RRM2: variants seen among roughly 807,000 people sequenced by gnomAD.
The protein encoded by RRM2 is ribonucleoside-diphosphate reductase subunit M2.
RRM2 carries 6 observed loss-of-function variants against 45.9 expected under a neutral mutation model. The observed-to-expected ratio is 0.13, with a 90% confidence interval of 0.07 to 0.26. The LOEUF (loss-of-function observed/expected upper bound fraction) is 0.26, where lower values mean the gene tolerates loss of function less well. RRM2 is among the 10% of genes least tolerant of loss of function. The probability of loss-of-function intolerance (pLI) is 1.00; values close to 1 mark genes in which losing one functional copy is unlikely to be tolerated. For synonymous variants in RRM2, 177 were observed against 173.0 expected (o/e 1.02, Z -0.18); for missense variants, 343 against 489.5 (o/e 0.70, Z 2.82).
At chr2:10,201,472 A>G (rs1014027548) in intron 3 of RRM2, among the ~76,000 whole-genome samples, 2 of 152,226 alleles carry the variant, frequency 1.3e-5, no homozygotes, top group African/African-American at 4.8e-5. Context: ...CCTGATATCA[A>G]TGAACATTCC....
At position 10,179,380 on chromosome 2, in the gene RRM2, G is replaced by T. The variant is rs373323093; in HGVS notation, n.483-30931G>T. Among the ~76,000 whole-genome samples, 30 of 152,170 alleles carry T rather than the reference G, an allele frequency of 2.0e-4. 2 individuals carry two copies. Among genetic ancestry groups the T allele is most frequent in the Admixed American group, 1.2e-3 (19 of 15,276 alleles). ...TTGGCCAGGCTGGTCTCAAACTCCC[G>T]ACCTAGGGCATCCACCCGCCTCGGC... On this transcript the variant is annotated intron_variant and non_coding_transcript_variant, in intron 3 of 3. Coordinates refer to the RRM2 transcript ENST00000381786.
chr2:10,196,999 A>C (rs977003504), intron 3 of RRM2, among the ~76,000 whole-genome samples: 6 of 152,192 alleles, frequency 3.9e-5, no homozygotes, highest in Non-Finnish European at 7.4e-5. Context: ...GGTCCAGGGG[A>C]GCCAGCTCAG....
downstream of RRM2, among the ~76,000 whole-genome samples, chr2:10,131,931 G>A (rs904778883): frequency 3.3e-4 from 50 of 152,270 alleles, no homozygotes; most frequent in Middle Eastern, 3.4e-3. Flanking sequence ...CTTCTCAACC[G>A]TGGGGGAGCC....
Position 10,206,665 on chromosome 2 carries a change from A to G in RRM2, n.483-3646A>G, listed in dbSNP as rs146543791. ...CCCCAATCCTCAGATCAGGAACCAT[A>G]ACAATTCTCAGAGAGAATAAATGAA... is the stretch of plus-strand genomic sequence containing the variant. On this transcript the variant is annotated intron_variant and non_coding_transcript_variant, in intron 3 of 3. Transcript: ENST00000381786. Among the ~76,000 whole-genome samples the G allele has an allele frequency of 1.2e-3, 183 of 152,370 alleles. 1 individual carries two copies. The highest frequency in any genetic ancestry group is 4.0e-3 in the African/African-American group (165 of 41,596).
At chr2:10,167,823 T>C (rs1663714310) in intron 3 of RRM2, among the ~76,000 whole-genome samples, 1 of 152,146 alleles carries the variant, frequency 6.6e-6, no homozygotes, top group Admixed American at 6.5e-5. Context: ...CACAAGGCCA[T>C]GGTGGCTGCC....
rs147441776 is a variant in RRM2 at position 10,150,263 on chromosome 2, C to T, written n.482+7888C>T. ...GAGATCGAGACCATCCTGGCTAACA[C>T]GGTGAAACCCCATCTCTACTAAAAA... On this transcript the variant is annotated intron_variant and non_coding_transcript_variant, in intron 3 of 3. Coordinates refer to the RRM2 transcript ENST00000381786. Among the ~76,000 whole-genome samples, 342 of 152,002 alleles carry T rather than the reference C, an allele frequency of 2.2e-3. 6 individuals carry two copies. The highest frequency in any genetic ancestry group is 0.021 in the East Asian group (106 of 5,158).
chr2:10,210,180 T>A (rs1438826616), intron 3 of RRM2: 3 of 456,182 alleles, frequency 6.6e-6, no homozygotes, highest in African/African-American at 4.1e-5. Flanking sequence ...GACTCCCACC[T>A]CCTTGTGGGC....
intron 3 of RRM2, among the ~76,000 whole-genome samples, chr2:10,165,015 G>A (rs938255513): frequency 6.6e-6 from 1 of 152,144 alleles, no homozygotes; most frequent in African/African-American, 2.4e-5. Context: ...CCTTTTGCCC[G>A]AACACAGCTC....
chr2:10,161,433 G>A (rs1476650842), intron 3 of RRM2, among the ~76,000 whole-genome samples: 3 of 152,158 alleles, frequency 2.0e-5, no homozygotes, highest in Admixed American at 1.3e-4. Flanking sequence ...TGTGTGTCAT[G>A]ACCTCCACCA....
chr2:10,128,982 A>G, intron 8 of RRM2, 30 bp downstream of exon 8: 2 of 1,610,376 alleles, frequency 1.2e-6, no homozygotes, highest in Non-Finnish European at 1.7e-6. Flanking sequence ...GGGTCACTCA[A>G]GCTTGCTAGA....
rs1387548261 is a variant in RRM2 at position 10,130,405 on chromosome 2, TTG to T, written c.*1024_*1025del. 1 of 152,186 alleles carries T rather than the reference TTG, an allele frequency of 6.6e-6. No homozygotes were observed. The highest frequency in any genetic ancestry group is 2.4e-5 in the African/African-American group (1 of 41,444). 9.4% of individuals were successfully genotyped at this position (152,186 alleles called of 1,614,324 possible). A position where few individuals can be genotyped will look rare whatever the true frequency, so the allele number is the denominator to read the frequency against. ...TCTAGTTTTGTTTGGTGTAAGTAGG[TTG>T]TGTGAGTTAATTCATTTATATTTAC... On this transcript the variant is annotated 3_prime_UTR_variant, in exon 10 of 10. Transcript: ENST00000304567.
rs1280186489 is a variant in RRM2 at position 10,131,269 on chromosome 2, GTCTC to G, written c.*1886_*1889del. On this transcript the variant is annotated 3_prime_UTR_variant, in exon 10 of 10. Coordinates refer to ENST00000304567, the MANE Select transcript of RRM2 (RefSeq NM_001034.4). ...AGTTGGAATCAGGTTTTAGGATTCT[GTCTC>G]TCATTAGCTGAATAATGTGAGGATT... 1 of 152,178 alleles carries G rather than the reference GTCTC, an allele frequency of 6.6e-6. No homozygotes were observed. The highest frequency in any genetic ancestry group is 1.5e-5 in the Non-Finnish European group (1 of 68,052). 9.4% of individuals were successfully genotyped at this position (152,178 alleles called of 1,614,324 possible). A position where few individuals can be genotyped will look rare whatever the true frequency, so the allele number is the denominator to read the frequency against.
intron 4 of RRM2, 144 bp downstream of exon 4, chr2:10,123,996 T>C (rs1391002816): frequency 1.5e-6 from 1 of 670,480 alleles, no homozygotes; most frequent in Non-Finnish European, 2.7e-6. Flanking sequence ...ATTTCCTGTT[T>C]TGTAACACTT....
chr2:10,139,968 G>A (rs182406399), upstream of RRM2, among the ~76,000 whole-genome samples: 48 of 152,360 alleles, frequency 3.2e-4, no homozygotes, highest in African/African-American at 1.1e-3. Flanking sequence ...CAAAAGAATG[G>A]CTGGGCGTGG....
chr2:10,177,739 T>C (rs987211034), intron 3 of RRM2, among the ~76,000 whole-genome samples: 3 of 143,496 alleles, frequency 2.1e-5, no homozygotes, highest in African/African-American at 5.3e-5. Flanking sequence ...CTCTCTCTCT[T>C]TCTTTCTTTC....
chr2:10,137,331 C>A (rs779958805), upstream of RRM2, among the ~76,000 whole-genome samples: 1 of 152,236 alleles, frequency 6.6e-6, no homozygotes, highest in African/African-American at 2.4e-5. Context: ...CCATGCTGGT[C>A]CGCCCAAGGA....
At chr2:10,198,734 G>A (rs7560636) in intron 3 of RRM2, 79,944 of 151,960 alleles carry the variant, frequency 0.53, 21,577 homozygotes, top group East Asian at 0.88. Flanking sequence ...GCTTCTGGCC[G>A]ATTGCTGTCA....
At chr2:10,193,453 G>A (rs1399870787) in intron 3 of RRM2, among the ~76,000 whole-genome samples, 1 of 152,210 alleles carries the variant, frequency 6.6e-6, no homozygotes, top group African/African-American at 2.4e-5. Context: ...GGGTGCCTCA[G>A]TGTCCCCCAC....
intron 3 of RRM2, among the ~76,000 whole-genome samples, chr2:10,165,665 C>T (rs1027634281): frequency 1.3e-5 from 2 of 152,244 alleles, no homozygotes; most frequent in African/African-American, 4.8e-5. Context: ...CTCATCCTCT[C>T]CTGGGTGACC....
Sources: gnomAD v4.1 joint callset for allele counts (sites outside exome capture counted in the v4.1 genomes callset) on GRCh38, gnomAD v4.1.1 for gene constraint, MANE v1.5 for transcripts, NCBI Gene and HGNC (gene_info 2026-07-23, HGNC 2026-07-21) for gene names.